The following RALY variants were observed in gnomAD, a reference collection of about 807,000 sequenced individuals.
The protein encoded by RALY is RNA-binding protein Raly.
RALY carries 15 observed loss-of-function variants against 30.7 expected under a neutral mutation model. The observed-to-expected ratio is 0.49, with a 90% confidence interval of 0.33 to 0.75. The LOEUF (loss-of-function observed/expected upper bound fraction) is 0.75. Among genes scored for constraint, RALY ranks in the 30% least tolerant of loss-of-function variants. The pLI is 0.02. For missense variants in RALY, 339 were observed against 414.3 expected, an observed-to-expected ratio of 0.82 and a Z score of 1.58; for synonymous variants, 177 against 170.8, an observed-to-expected ratio of 1.04 and a Z score of -0.28.
chr20:34,043,761 A>G (rs1386915537), intron 2 of RALY, among the ~76,000 whole-genome samples: 1 of 152,198 alleles, frequency 6.6e-6, no homozygotes, highest in Non-Finnish European at 1.5e-5. Flanking sequence ...ATTTAATTTG[A>G]TAAAACTTTG....
chr20:34,083,246 T>G lies in RALY; in HGVS notation c.*3341T>G, dbSNP rs2034057522. 1 of 152,236 alleles carries G rather than the reference T, an allele frequency of 6.6e-6. No individual in the cohort carries two copies. Among genetic ancestry groups the G allele is most frequent in the Non-Finnish European group, 1.5e-5 (1 of 68,082 alleles). 9.4% of individuals were successfully genotyped at this position (152,236 alleles called of 1,614,324 possible). ...GGTGGTTCTTATCTCATCTGGGCCC[T>G]CGTGTGGCTGAAGTGAGCTGGCAGA... On this transcript the variant is annotated 3_prime_UTR_variant, in exon 10 of 10. Transcript: ENST00000246194.
At chr20:34,049,338 A>G (rs911572911) in intron 2 of RALY, 4 of 154,362 alleles carry the variant, frequency 2.6e-5, no homozygotes, top group African/African-American at 9.6e-5. Context: ...TATGTTAGTC[A>G]TCATTCTAGT....
At chr20:34,010,592 T>C (rs2031356905) in intron 1 of RALY, among the ~76,000 whole-genome samples, 1 of 152,174 alleles carries the variant, frequency 6.6e-6, no homozygotes, top group Non-Finnish European at 1.5e-5. Flanking sequence ...CTTTGACTTC[T>C]TGTGATTACT....
Position 34,077,221 on chromosome 20 carries a change from C to T in RALY, c.852C>T (p.Leu284=), listed in dbSNP as rs139438113. Residue 284 remains leucine (L), a synonymous_variant, in exon 8 of 10, where the codon CTC becomes CTT. Transcript: ENST00000246194. ...GAGACGACGGCGATGAGGAAGGGCTCCTGACACACAGCGAGGAAGAGCTGG... is the reference window on the plus strand; with the variant it reads ...GAGACGACGGCGATGAGGAAGGGCTTCTGACACACAGCGAGGAAGAGCTGG... ...RTRDDGDEEG[L]LTHSEEELEH... 4 of 1,613,780 alleles carry T rather than the reference C, an allele frequency of 2.5e-6. No homozygotes were observed. In the African/African-American group the frequency reaches 4.0e-5, roughly 16 times the overall value.
Position 34,079,411 on chromosome 20 carries a change from A to G in RALY, c.*5-499A>G, listed in dbSNP as rs930406829. On this transcript the variant is annotated intron_variant, in intron 9 of 9. Coordinates refer to ENST00000246194, the MANE Select transcript of RALY (RefSeq NM_016732.3). ...AGCCAGGCCACACCTGGCTGTGCCT[A>G]CTACTCTCTGACCCATTCCCTTGGG... Among the ~76,000 whole-genome samples, 7 of 152,298 alleles carry G rather than the reference A, an allele frequency of 4.6e-5. No homozygotes were observed. The East Asian group carries it at 9.6e-4, about 21-fold the overall frequency.
At chr20:34,001,801 C>G (rs1320341681) in intron 1 of RALY, among the ~76,000 whole-genome samples, 2 of 152,120 alleles carry the variant, frequency 1.3e-5, no homozygotes, top group Admixed American at 6.6e-5. Context: ...GAGTCTCGCT[C>G]TGTTGCTCAG....
chr20:34,067,819 T>TC (rs1465928072), intron 2 of RALY, among the ~76,000 whole-genome samples: 18 of 147,978 alleles, frequency 1.2e-4, no homozygotes, highest in African/African-American at 4.0e-4. Flanking sequence ...CTTTTTTCTT[T>TC]TTTTTTTTTT....
At position 34,062,449 on chromosome 20, in the gene RALY, G is replaced by A. The variant is rs554463559; in HGVS notation, c.-9-9617G>A. 5.3e-5 allele frequency among the ~76,000 whole-genome samples: 8 copies of A among 152,338 alleles called. No homozygotes were observed. In the South Asian group the frequency reaches 1.7e-3, roughly 32 times the overall value. ...CTATGTTTTTATTTGTCTGTGAAAT[G>A]TGACTAGGATAAACCACCAGGGATA... is the stretch of plus-strand genomic sequence containing the variant. On this transcript the variant is annotated intron_variant, in intron 2 of 9. Coordinates refer to ENST00000246194, the MANE Select transcript of RALY (RefSeq NM_016732.3).
intron 2 of RALY, among the ~76,000 whole-genome samples, chr20:34,062,068 C>G (rs2033433784): frequency 6.6e-6 from 1 of 152,142 alleles, no homozygotes; most frequent in Non-Finnish European, 1.5e-5. Flanking sequence ...GCAGCATATC[C>G]TAGGAACCAG....
intron 1 of RALY, among the ~76,000 whole-genome samples, chr20:34,024,516 G>A (rs1364965250): frequency 2.6e-5 from 4 of 152,270 alleles, no homozygotes; most frequent in Middle Eastern, 3.4e-3. Context: ...TTCTGTGGAC[G>A]TTCCTCCAGG....
chr20:34,035,175 A>AAAAC lies in RALY; in HGVS notation c.-10+3574_-10+3575insCAAA, dbSNP rs1235118709. ...CTCAAAAAAAAAAAAAAAAAAAAAA[A>AAAAC]AAAAAAAAAAAACAGTCTGGAGGCC... On this transcript the variant is annotated intron_variant, in intron 2 of 9. Coordinates refer to ENST00000246194, the MANE Select transcript of RALY (RefSeq NM_016732.3). 5.9e-3 allele frequency among the ~76,000 whole-genome samples: 823 copies of AAAAC among 138,852 alleles called. 17 individuals carry two copies. Among genetic ancestry groups the AAAAC allele is most frequent in the Non-Finnish European group, 0.01 (686 of 65,488 alleles). The allele number at this position is 138,852 out of a possible 152,430, so 91.1% of individuals were successfully genotyped here.
intron 1 of RALY, among the ~76,000 whole-genome samples, chr20:34,012,738 TCTA>T (rs1173687689): frequency 2.6e-5 from 4 of 152,170 alleles, no homozygotes; most frequent in African/African-American, 9.7e-5. Context: ...AAGGATAAAA[TCTA>T]AACTCTGGCC....
intron 2 of RALY, among the ~76,000 whole-genome samples, chr20:34,061,950 C>A (rs771030196): frequency 4.6e-5 from 7 of 152,242 alleles, no homozygotes; most frequent in Middle Eastern, 3.4e-3. Context: ...TATCACTGAC[C>A]CTAACTTACT....
At chr20:34,042,224 G>A (rs1181230305) in intron 2 of RALY, among the ~76,000 whole-genome samples, 2 of 152,114 alleles carry the variant, frequency 1.3e-5, no homozygotes, top group Admixed American at 1.3e-4. Flanking sequence ...AAACAAAGAC[G>A]ATCCCCGCTC....
intron 2 of RALY, among the ~76,000 whole-genome samples, chr20:34,064,181 T>G (rs2033500485): frequency 6.6e-6 from 1 of 152,096 alleles, no homozygotes; most frequent in Non-Finnish European, 1.5e-5. Context: ...TATCGGGGAT[T>G]ATAGGCATAA....
At chr20:34,059,928 C>A (rs1169722320) in intron 2 of RALY, among the ~76,000 whole-genome samples, 1 of 152,208 alleles carries the variant, frequency 6.6e-6, no homozygotes, top group African/African-American at 2.4e-5. Context: ...TGGTGGGAAC[C>A]TTTGCTTAGC....
chr20:34,035,836 G>C (rs1296181025), intron 2 of RALY, among the ~76,000 whole-genome samples: 1 of 152,186 alleles, frequency 6.6e-6, no homozygotes, highest in Admixed American at 6.5e-5. Context: ...GGAATAGGGA[G>C]ACACTGGATT....
chr20:34,062,884 A>T (rs981312226), intron 2 of RALY, among the ~76,000 whole-genome samples: 5 of 152,260 alleles, frequency 3.3e-5, no homozygotes, highest in Non-Finnish European at 7.3e-5. Flanking sequence ...GCCATCCCCA[A>T]AGCTCACAGC....
At chr20:34,073,285 T>A (rs2033782215) in intron 3 of RALY, among the ~76,000 whole-genome samples, 2 of 150,402 alleles carry the variant, frequency 1.3e-5, no homozygotes, top group Non-Finnish European at 3.0e-5. Flanking sequence ...ATATTCGACG[T>A]GTGTGTGTGG....
Sources: allele counts gnomAD v4.1 joint callset (sites outside exome capture counted in the v4.1 genomes callset), GRCh38; gene constraint gnomAD v4.1.1; transcripts MANE v1.5; gene names NCBI Gene and HGNC (gene_info 2026-07-23, HGNC 2026-07-21).